Variants in PDE10A observed in about 807,000 individuals in gnomAD.
PDE10A encodes the protein phosphodiesterase 10A.
A neutral mutation model predicts 97.7 loss-of-function variants in PDE10A; 39 were observed. That is an observed-to-expected ratio of 0.40 (90% CI 0.31 to 0.52). PDE10A has a LOEUF of 0.52. Among genes scored for constraint, PDE10A ranks in the 20% least tolerant of loss-of-function variants. The probability of loss-of-function intolerance (pLI) is 0.56; values close to 1 mark genes in which losing one functional copy is unlikely to be tolerated. For synonymous variants in PDE10A, 371 were observed against 376.8 expected (o/e 0.98, Z 0.18); for missense variants, 731 against 1,047.8 (o/e 0.70, Z 4.17).
At chr6:165,566,894 C>G (rs1377833034) in intron 1 of PDE10A, among the ~76,000 whole-genome samples, 2 of 152,112 alleles carry the variant, frequency 1.3e-5, no homozygotes, top group African/African-American at 2.4e-5. Flanking sequence ...AATTGTTTGG[C>G]AGGAATCTAC....
intron 18 of PDE10A, among the ~76,000 whole-genome samples, chr6:165,357,847 T>G (rs1430028680): frequency 6.6e-6 from 1 of 152,150 alleles, no homozygotes; most frequent in African/African-American, 2.4e-5. Flanking sequence ...TATGTTTTAT[T>G]GCTCTCTTAT....
intron 19 of PDE10A, among the ~76,000 whole-genome samples, chr6:165,341,963 G>A (rs1483466778): frequency 6.6e-6 from 1 of 152,182 alleles, no homozygotes; most frequent in Non-Finnish European, 1.5e-5. Flanking sequence ...AAAGAAGGTT[G>A]CTGCAAAATT....
intron 14 of PDE10A, among the ~76,000 whole-genome samples, chr6:165,395,666 C>A (rs1786109029): frequency 6.6e-6 from 1 of 152,106 alleles, no homozygotes; most frequent in African/African-American, 2.4e-5. Context: ...ATAACAATTT[C>A]ACTAATATAA....
At chr6:165,868,905 T>C (rs1170057052) in intron 1 of PDE10A, among the ~76,000 whole-genome samples, 1 of 151,852 alleles carries the variant, frequency 6.6e-6, no homozygotes, top group East Asian at 1.9e-4. Context: ...ATCAGCAGAA[T>C]GAAGAACAAA....
At chr6:165,924,540 C>A (rs143501089) in intron 1 of PDE10A, among the ~76,000 whole-genome samples, 568 of 152,236 alleles carry the variant, frequency 3.7e-3, no homozygotes, top group Middle Eastern at 6.8e-3. Flanking sequence ...TGGTACAATT[C>A]GCAGTTTCCT....
chr6:165,590,261 A>G (rs1786170096), intron 1 of PDE10A, among the ~76,000 whole-genome samples: 2 of 152,238 alleles, frequency 1.3e-5, no homozygotes. Context: ...CAAAAATTCT[A>G]TATGGTAAGA....
intron 2 of PDE10A, among the ~76,000 whole-genome samples, chr6:165,511,244 T>C (rs1377527724): frequency 6.6e-6 from 1 of 152,014 alleles, no homozygotes; most frequent in East Asian, 1.9e-4. Flanking sequence ...TTTGTTTCAA[T>C]AAATGTTTTG....
chr6:165,642,977 C>G (rs1789212244), intron 1 of PDE10A, among the ~76,000 whole-genome samples: 1 of 152,112 alleles, frequency 6.6e-6, no homozygotes, highest in African/African-American at 2.4e-5. Context: ...GAATAGTTCA[C>G]TCAGTCCATG....
chr6:165,652,990 C>T (rs1000277250), intron 1 of PDE10A, among the ~76,000 whole-genome samples: 2 of 152,196 alleles, frequency 1.3e-5, no homozygotes, highest in East Asian at 3.9e-4. Flanking sequence ...CATATGGACA[C>T]GCTGTGTTCA....
chr6:165,467,130 T>C (rs1778700381), intron 3 of PDE10A, among the ~76,000 whole-genome samples: 1 of 152,124 alleles, frequency 6.6e-6, no homozygotes, highest in South Asian at 2.1e-4. Flanking sequence ...CTGAGAGATG[T>C]GGGAAAGCTG....
At chr6:165,376,003 C>A (rs1784583767) in intron 18 of PDE10A, among the ~76,000 whole-genome samples, 1 of 152,226 alleles carries the variant, frequency 6.6e-6, no homozygotes, top group African/African-American at 2.4e-5. Flanking sequence ...TGGACATGCA[C>A]ATGATTAATG....
chr6:165,909,326 C>T (rs566664497), intron 1 of PDE10A, among the ~76,000 whole-genome samples: 48 of 152,270 alleles, frequency 3.2e-4, no homozygotes, highest in African/African-American at 1.2e-3. Flanking sequence ...GTGGGCAGGT[C>T]TTGAGCTGGC....
chr6:165,547,155 A>G (rs1484082294), intron 1 of PDE10A, among the ~76,000 whole-genome samples: 1 of 152,148 alleles, frequency 6.6e-6, no homozygotes, highest in African/African-American at 2.4e-5. Flanking sequence ...TTGAACGAGT[A>G]TATTTTAAAA....
At position 165,481,188 on chromosome 6, in the gene PDE10A, A is replaced by C. The variant is rs151070404; in HGVS notation, c.1023+1127T>G. ...ATCTTATCCTCAAGCATCACTTTTC[A>C]GCATTTTCTGCTGCTCCTAGCAGCT... On this transcript the variant is annotated intron_variant, in intron 3 of 21. Coordinates refer to ENST00000539869, the MANE Select transcript of PDE10A (RefSeq NM_001385079.1). 2.1e-3 allele frequency among the ~76,000 whole-genome samples: 323 copies of C among 152,328 alleles called. 1 individual carries two copies. The highest frequency in any genetic ancestry group is 7.3e-3 in the African/African-American group (305 of 41,574).
At chr6:165,717,794 TG>T (rs1792062702) in intron 1 of PDE10A, among the ~76,000 whole-genome samples, 1 of 152,240 alleles carries the variant, frequency 6.6e-6, no homozygotes, top group Admixed American at 6.5e-5. Flanking sequence ...TTTATTGTTT[TG>T]TTTCAATCAC....
chr6:165,794,013 A>G (rs909956189), intron 1 of PDE10A, among the ~76,000 whole-genome samples: 2 of 152,146 alleles, frequency 1.3e-5, no homozygotes, highest in Admixed American at 1.3e-4. Flanking sequence ...TCCAGTCTCA[A>G]AGCTAGTAGC....
chr6:165,958,749 GAA>G (rs869155494), intron 1 of PDE10A, among the ~76,000 whole-genome samples: 1 of 100,872 alleles, frequency 9.9e-6, no homozygotes, highest in Non-Finnish European at 2.2e-5. Flanking sequence ...GAAAGAAAGA[GAA>G]AGAAAGAAAG....
intron 2 of PDE10A, among the ~76,000 whole-genome samples, chr6:165,493,644 C>CCTCATCT (rs1290780162): frequency 6.6e-6 from 1 of 152,004 alleles, no homozygotes; most frequent in Non-Finnish European, 1.5e-5. Context: ...GAAACTGGAT[C>CCTCATCT]CTCATCTCTC....
chr6:165,539,080 T>C (rs556007456), intron 2 of PDE10A, among the ~76,000 whole-genome samples: 1 of 152,306 alleles, frequency 6.6e-6, no homozygotes, highest in Non-Finnish European at 1.5e-5. Context: ...TCGGCTTTAA[T>C]GCTTCCTGAG....
Sources: allele counts gnomAD v4.1 joint callset (sites outside exome capture counted in the v4.1 genomes callset), GRCh38; gene constraint gnomAD v4.1.1; transcripts MANE v1.5; gene names NCBI Gene and HGNC (gene_info 2026-07-23, HGNC 2026-07-21).